The following DLG2 variants were observed in gnomAD, a reference collection of about 807,000 sequenced individuals.
DLG2 encodes discs large MAGUK scaffold protein 2.
Under a neutral mutation model 132.5 loss-of-function variants are expected in DLG2, and 45 were observed. The observed-to-expected ratio is 0.34, with a 90% confidence interval of 0.27 to 0.44. The LOEUF (loss-of-function observed/expected upper bound fraction) is 0.44, where lower values mean the gene tolerates loss of function less well. Ranked by LOEUF, DLG2 falls within the 20% of genes least tolerant of loss-of-function variation. The pLI is 1.00. For synonymous variants in DLG2, 424 were observed against 419.6 expected, an observed-to-expected ratio of 1.01 and a Z score of -0.13; for missense variants, 1,045 against 1,196.9, an observed-to-expected ratio of 0.87 and a Z score of 1.87.
At chr11:83,547,825 G>A (rs2096278201) in intron 19 of DLG2, among the ~76,000 whole-genome samples, 2 of 152,110 alleles carry the variant, frequency 1.3e-5, no homozygotes, top group South Asian at 4.1e-4. Flanking sequence ...ATCAACTTTG[G>A]TACTGGAAGT....
At chr11:84,243,444 G>C (rs1312174090) in intron 8 of DLG2, among the ~76,000 whole-genome samples, 1 of 152,158 alleles carries the variant, frequency 6.6e-6, no homozygotes. Context: ...TAAAGTAAAA[G>C]AGTTAGAAAA....
chr11:84,173,272 C>A (rs1318061008), intron 8 of DLG2, among the ~76,000 whole-genome samples: 1 of 152,204 alleles, frequency 6.6e-6, no homozygotes, highest in Non-Finnish European at 1.5e-5. Flanking sequence ...AATGCATTCA[C>A]TTGGCTCCAG....
intron 7 of DLG2, among the ~76,000 whole-genome samples, chr11:84,397,015 T>G (rs1345606787): frequency 6.6e-6 from 1 of 152,204 alleles, no homozygotes; most frequent in Non-Finnish European, 1.5e-5. Flanking sequence ...AAAATAATAA[T>G]AGTTATCATT....
At chr11:84,715,673 A>G (rs554605644) in intron 6 of DLG2, among the ~76,000 whole-genome samples, 1 of 152,204 alleles carries the variant, frequency 6.6e-6, no homozygotes, top group South Asian at 2.1e-4. Context: ...CTCCAGGTGT[A>G]TCCATGTTAT....
intron 6 of DLG2, among the ~76,000 whole-genome samples, chr11:84,926,481 TC>T (rs961571747): frequency 2.0e-5 from 3 of 151,994 alleles, no homozygotes; most frequent in Admixed American, 6.6e-5. Flanking sequence ...TGGAAAGATG[TC>T]CAAGTTATAT....
intron 16 of DLG2, among the ~76,000 whole-genome samples, chr11:83,840,813 T>C (rs901448905): frequency 1.3e-5 from 2 of 152,234 alleles, no homozygotes; most frequent in African/African-American, 2.4e-5. Flanking sequence ...ATCTGCTTCA[T>C]GTTTTTCGCT....
At chr11:83,847,675 A>G (rs1481552261) in intron 16 of DLG2, among the ~76,000 whole-genome samples, 1 of 152,152 alleles carries the variant, frequency 6.6e-6, no homozygotes, top group Non-Finnish European at 1.5e-5. Context: ...GCAAACCAGA[A>G]TCGCCACGAT....
chr11:84,890,464 G>A (rs1197339629), intron 6 of DLG2, among the ~76,000 whole-genome samples: 3 of 152,168 alleles, frequency 2.0e-5, no homozygotes, highest in Non-Finnish European at 4.4e-5. Context: ...TAAGAAAGTT[G>A]CATTGCCAAT....
At chr11:84,083,208 A>T (rs1412498422) in intron 10 of DLG2, among the ~76,000 whole-genome samples, 3 of 152,200 alleles carry the variant, frequency 2.0e-5, no homozygotes, top group Non-Finnish European at 4.4e-5. Flanking sequence ...TGAACCCAGG[A>T]GGTGGAGATT....
intron 19 of DLG2, among the ~76,000 whole-genome samples, chr11:83,616,656 T>C (rs1166062484): frequency 6.6e-6 from 1 of 152,236 alleles, no homozygotes; most frequent in Non-Finnish European, 1.5e-5. Flanking sequence ...TATTTTAATG[T>C]AGTTCATCAA....
At chr11:83,782,022 C>T (rs1458688134) in intron 18 of DLG2, among the ~76,000 whole-genome samples, 1 of 152,080 alleles carries the variant, frequency 6.6e-6, no homozygotes, top group African/African-American at 2.4e-5. Flanking sequence ...ATCATCTTAT[C>T]TTTGTGCTAT....
intron 3 of DLG2, among the ~76,000 whole-genome samples, chr11:85,348,791 T>C (rs2083060671): frequency 6.6e-6 from 1 of 152,170 alleles, no homozygotes; most frequent in South Asian, 2.1e-4. Flanking sequence ...CTGTCAATTA[T>C]ATCTCTAAGC....
intron 5 of DLG2, among the ~76,000 whole-genome samples, chr11:85,139,731 T>C (rs2076344761): frequency 6.6e-6 from 1 of 152,092 alleles, no homozygotes; most frequent in Non-Finnish European, 1.5e-5. Flanking sequence ...CTCTTTAGGC[T>C]TCTTCATAGT....
intron 6 of DLG2, among the ~76,000 whole-genome samples, chr11:84,808,475 CA>C (rs1272822606): frequency 4.0e-5 from 6 of 151,744 alleles, no homozygotes; most frequent in African/African-American, 1.5e-4. Flanking sequence ...AGAGCAGAAA[CA>C]AATGTAATTT....
intron 15 of DLG2, among the ~76,000 whole-genome samples, chr11:83,902,539 C>T (rs2073761095): frequency 1.3e-5 from 2 of 152,078 alleles, no homozygotes; most frequent in Admixed American, 1.3e-4. Flanking sequence ...TTAAATCATG[C>T]CAAATGAAAA....
At chr11:84,996,621 CATT>C (rs1270386161) in intron 6 of DLG2, among the ~76,000 whole-genome samples, 1 of 152,118 alleles carries the variant, frequency 6.6e-6, no homozygotes, top group Non-Finnish European at 1.5e-5. Flanking sequence ...TGACAAATAT[CATT>C]ACAAAATCCA....
chr11:84,804,270 G>A (rs557046342), intron 6 of DLG2, among the ~76,000 whole-genome samples: 2 of 152,288 alleles, frequency 1.3e-5, no homozygotes, highest in South Asian at 2.1e-4. Flanking sequence ...TTTGTAGCTT[G>A]GAATGATATC....
At chr11:84,281,233 T>A (rs892242402) in intron 7 of DLG2, among the ~76,000 whole-genome samples, 41 of 152,232 alleles carry the variant, frequency 2.7e-4, no homozygotes, top group African/African-American at 9.6e-4. Context: ...AAGATCTTTA[T>A]GACCTTGGGT....
chr11:84,390,274 G>C (rs533601398), intron 7 of DLG2, among the ~76,000 whole-genome samples: 2 of 152,116 alleles, frequency 1.3e-5, no homozygotes, highest in African/African-American at 4.8e-5. Context: ...GAGTTCCCCT[G>C]ATAATAGAGT....
Sources: gnomAD v4.1 joint callset for allele counts (sites outside exome capture counted in the v4.1 genomes callset) on GRCh38, gnomAD v4.1.1 for gene constraint, MANE v1.5 for transcripts, NCBI Gene and HGNC (gene_info 2026-07-23, HGNC 2026-07-21) for gene names.